The following MYO19 variants were observed in gnomAD, a reference collection of about 807,000 sequenced individuals.
The protein encoded by MYO19 is myosin XIX, also known as unconventional myosin-XIX.
A neutral mutation model predicts 129.2 loss-of-function variants in MYO19; 132 were observed. That is an observed-to-expected ratio of 1.02 (90% CI 0.89 to 1.18). MYO19 has a LOEUF of 1.18. Among genes scored for constraint, MYO19 ranks in the 50% most tolerant of loss-of-function variants. MYO19 has a pLI of 0.00. For missense variants in MYO19, 1,210 were observed against 1,216.7 expected (o/e 0.99, Z 0.08); for synonymous variants, 531 against 477.2 (o/e 1.11, Z -1.47).
intron 25 of MYO19, chr17:36,497,844 C>T (rs1815415190): frequency 6.1e-6 from 1 of 165,110 alleles, no homozygotes; most frequent in South Asian, 1.8e-4. Flanking sequence ...CTCGACTTCC[C>T]AAAGTACTGG....
upstream of MYO19, among the ~76,000 whole-genome samples, chr17:36,536,063 A>G (rs755260499): frequency 6.6e-6 from 1 of 152,188 alleles, no homozygotes; most frequent in Non-Finnish European, 1.5e-5. Context: ...TTAACCAACA[A>G]ATGTGTTCTT....
Position 36,508,986 on chromosome 17 carries a change from C to T in MYO19, c.1231+76G>A, listed in dbSNP as rs2072122196. 3.0e-6 allele frequency: 4 copies of T among 1,315,928 alleles called. No individual in the cohort carries two copies. The African/African-American group carries it at 4.3e-5, about 14-fold the overall frequency. The allele number at this position is 1,315,928 out of a possible 1,614,324, so 81.5% of individuals were successfully genotyped here. The stretch of plus-strand genomic sequence containing the variant: ...ACTGCCCAGAGTCACACAGTGGACC[C>T]AGGGCTCCTGCCTCTCCATCCAGGG... On this transcript the variant is annotated intron_variant, in intron 14 of 25. Transcript: ENST00000614623.
chr17:36,509,445 G>C, intron 13 of MYO19: 1 of 448,018 alleles, frequency 2.2e-6, no homozygotes, highest in Non-Finnish European at 4.1e-6. Context: ...CATGGCTCGA[G>C]ACCCAGCTAG....
At chr17:36,512,460 T>C (rs1375207754) in intron 11 of MYO19, among the ~76,000 whole-genome samples, 1 of 150,662 alleles carries the variant, frequency 6.6e-6, no homozygotes, top group Non-Finnish European at 1.5e-5. Context: ...ACCATTCCTA[T>C]ATGGTCCCAG....
intron 11 of MYO19, chr17:36,512,805 G>A (rs1183302698): frequency 1.6e-6 from 2 of 1,281,148 alleles, no homozygotes; most frequent in South Asian, 1.3e-5. Flanking sequence ...GATGAGAGGA[G>A]GTAGTCAGCT....
At chr17:36,542,592 G>A in intron 1 of MYO19, among the ~76,000 whole-genome samples, 1 of 151,672 alleles carries the variant, frequency 6.6e-6, no homozygotes, top group East Asian at 2.0e-4. Context: ...CCAGCTACTC[G>A]GGAGGCTGAG....
Position 36,504,020 on chromosome 17 carries a change from C to G in MYO19, c.1906G>C (p.Val636Leu). The change falls in exon 20 of 26, where the codon GTC becomes CTC. Residue 636 changes from valine (V) to leucine (L), a missense_variant and splice_region_variant. Val to Leu is a conservative substitution (Grantham distance 32). Coordinates refer to ENST00000614623, the MANE Select transcript of MYO19 (RefSeq NM_001163735.2). Reference protein sequence around the residue: ...GQAQTFLQEEVLSQLEACGLV... With the variant: ...GQAQTFLQEELLSQLEACGLV... ...CCACAGGCCTCCAGCTGGCTCAGGA[C>G]CTGCAAGGGTGGGGAGACAGGGCAG... 1 of 1,568,344 alleles carries G rather than the reference C, an allele frequency of 6.4e-7. No individual in the cohort carries two copies. The highest frequency in any genetic ancestry group is 2.3e-5 in the East Asian group (1 of 42,766).
intron 11 of MYO19, 24 bp downstream of exon 11, chr17:36,513,405 A>G (rs578009644): frequency 6.2e-7 from 1 of 1,613,978 alleles, no homozygotes; most frequent in Admixed American, 1.7e-5. Flanking sequence ...TGCCAAACTT[A>G]AGTGGCGTGG....
At chr17:36,540,994 A>C (rs1567810786) in intron 2 of MYO19, among the ~76,000 whole-genome samples, 2 of 147,216 alleles carry the variant, frequency 1.4e-5, no homozygotes, top group African/African-American at 5.0e-5. Context: ...CATAATTTTA[A>C]TTTTTTTTTT....
chr17:36,499,654 C>CTTTT (rs1260911885), intron 23 of MYO19: 2 of 73,090 alleles, frequency 2.7e-5, no homozygotes, highest in Admixed American at 1.3e-4. Flanking sequence ...TATTCTTTTT[C>CTTTT]TTTTTGTTTC....
At chr17:36,513,235 TA>T in intron 11 of MYO19, 193 bp downstream of exon 11, 1 of 1,454,156 alleles carries the variant, frequency 6.9e-7, no homozygotes, top group Non-Finnish European at 9.0e-7. Flanking sequence ...CACTCTTCCT[TA>T]TGCCCCGTCC....
At chr17:36,523,673 T>C (rs569834316) in intron 6 of MYO19, among the ~76,000 whole-genome samples, 14 of 152,314 alleles carry the variant, frequency 9.2e-5, no homozygotes, top group East Asian at 5.8e-4. Flanking sequence ...ATGTAAATAC[T>C]GCTTATTAAC....
At chr17:36,521,527 CAG>C (rs1040513058) in intron 6 of MYO19, among the ~76,000 whole-genome samples, 13 of 152,146 alleles carry the variant, frequency 8.5e-5, no homozygotes, top group Non-Finnish European at 1.5e-4. Context: ...AAGGAGAAAA[CAG>C]GGGAGGAAAT....
intron 1 of MYO19, among the ~76,000 whole-genome samples, chr17:36,534,394 G>A (rs183403317): frequency 1.3e-5 from 2 of 152,308 alleles, no homozygotes; most frequent in East Asian, 1.9e-4. Flanking sequence ...TTCCCAGGAA[G>A]GTGGACGTGA....
intron 3 of MYO19, among the ~76,000 whole-genome samples, chr17:36,528,881 G>A (rs1418864527): frequency 6.6e-6 from 1 of 152,148 alleles, no homozygotes; most frequent in African/African-American, 2.4e-5. Context: ...AGCCTTATTA[G>A]AAATAAGGCT....
chr17:36,532,489 T>A, intron 3 of MYO19, 38 bp downstream of exon 3: 2 of 1,552,946 alleles, frequency 1.3e-6, no homozygotes, highest in Non-Finnish European at 1.7e-6. Flanking sequence ...ATGCTGCAGG[T>A]GCTTGAGGGC....
intron 25 of MYO19, among the ~76,000 whole-genome samples, chr17:36,497,274 T>TC (rs974702818): frequency 2.7e-5 from 4 of 149,016 alleles, no homozygotes; most frequent in Admixed American, 1.3e-4. Flanking sequence ...CTGCATTCCA[T>TC]CCTGGGCGAC....
intron 7 of MYO19, 86 bp downstream of exon 7, chr17:36,515,772 T>C (rs2072703524): frequency 6.9e-7 from 1 of 1,452,144 alleles, no homozygotes; most frequent in Admixed American, 2.0e-5. Flanking sequence ...CAAGAGAGGG[T>C]CTCAAAGCAC....
chr17:36,515,748 C>T (rs2072700996), intron 7 of MYO19, 110 bp downstream of exon 7: 19 of 1,249,980 alleles, frequency 1.5e-5, no homozygotes, highest in Non-Finnish European at 1.7e-5. Flanking sequence ...ATACACTCAT[C>T]CTCCACCCCC....
Sources: allele counts gnomAD v4.1 joint callset (sites outside exome capture counted in the v4.1 genomes callset), GRCh38; gene constraint gnomAD v4.1.1; transcripts MANE v1.5; gene names NCBI Gene and HGNC (gene_info 2026-07-23, HGNC 2026-07-21).